The following BPNT1 variants were observed in gnomAD, a reference collection of about 807,000 sequenced individuals.
BPNT1 encodes 3'(2'), 5'-bisphosphate nucleotidase 1, also known as 3'(2'),5'-bisphosphate nucleotidase 1.
A neutral mutation model predicts 36.9 loss-of-function variants in BPNT1; 28 were observed. The observed-to-expected ratio is 0.76, with a 90% CI of 0.56 to 1.04. The LOEUF (loss-of-function observed/expected upper bound fraction) is 1.04, where lower values mean the gene tolerates loss of function less well. Ranked by LOEUF, BPNT1 falls within the 50% of genes least tolerant of loss-of-function variation. BPNT1 has a pLI of 0.00. For synonymous variants in BPNT1, 119 were observed against 130.9 expected (o/e 0.91, Z 0.62); for missense variants, 313 against 372.9 (o/e 0.84, Z 1.32).
intron 1 of BPNT1, among the ~76,000 whole-genome samples, chr1:220,086,493 C>T (rs1343703509): frequency 6.6e-6 from 1 of 151,024 alleles, no homozygotes; most frequent in Non-Finnish European, 1.5e-5. Flanking sequence ...AGGCTGGTCT[C>T]GAACACCTGA....
In BPNT1 at chr1:220,081,004, G is replaced by A. The variant is rs1034201251; in HGVS notation, c.-8-1150C>T. Among the ~76,000 whole-genome samples the A allele has an allele frequency of 6.6e-5, 10 of 152,248 alleles. No homozygotes were observed. In the Middle Eastern group the frequency reaches 0.01, roughly 155 times the overall value. The stretch of plus-strand genomic sequence containing the variant: ...TTTTGAGACGGAGTCTCGCTCTGTC[G>A]CCCAGGATGGATTGCAGTGGCGCCA... On this transcript the variant is annotated intron_variant, in intron 1 of 8. Transcript: ENST00000322067.
At chr1:220,088,907 G>A (rs1157845121) in intron 1 of BPNT1, among the ~76,000 whole-genome samples, 1 of 151,320 alleles carries the variant, frequency 6.6e-6, no homozygotes, top group Non-Finnish European at 1.5e-5. Context: ...AAACCATCCT[G>A]ACTAACACGG....
chr1:220,073,153 T>C (rs1664221051), intron 3 of BPNT1, among the ~76,000 whole-genome samples, 196 bp from the exon 4 acceptor site: 1 of 152,238 alleles, frequency 6.6e-6, no homozygotes, highest in African/African-American at 2.4e-5. Flanking sequence ...ATTGACTAAA[T>C]GGTTCCAGTG....
intron 5 of BPNT1, among the ~76,000 whole-genome samples, chr1:220,068,014 A>T (rs981929014): frequency 6.6e-6 from 1 of 152,150 alleles, no homozygotes; most frequent in Admixed American, 6.6e-5. Flanking sequence ...ATACATACAC[A>T]TGTATACACA....
At chr1:220,080,829 C>T (rs577065016) in intron 1 of BPNT1, among the ~76,000 whole-genome samples, 3 of 152,296 alleles carry the variant, frequency 2.0e-5, no homozygotes, top group Admixed American at 1.3e-4. Context: ...CCTCCATCTT[C>T]GTCAGTAGCC....
chr1:220,082,083 T>TAG lies in BPNT1; in HGVS notation c.-8-2230_-8-2229insCT, dbSNP rs1239049784. ...AGGACAATATATATATATATATATA[T>TAG]ATAGAGAGAGAGAGAGAGAGAGAGA... On this transcript the variant is annotated intron_variant, in intron 1 of 8. Transcript: ENST00000322067. Among the ~76,000 whole-genome samples, 602 of 110,786 alleles carry TAG rather than the reference T, an allele frequency of 5.4e-3. 4 individuals carry two copies. Among genetic ancestry groups the TAG allele is most frequent in the East Asian group, 0.032 (126 of 3,910 alleles). The allele number at this position is 110,786 out of a possible 152,430, so 72.7% of individuals were successfully genotyped here.
chr1:220,086,664 C>T (rs891210526), intron 1 of BPNT1, among the ~76,000 whole-genome samples: 1 of 151,216 alleles, frequency 6.6e-6, no homozygotes, highest in Admixed American at 6.6e-5. Context: ...CAACCTCCGC[C>T]TCCCGGGTTC....
chr1:220,058,379 A>T lies in BPNT1; in HGVS notation c.*465T>A. ...GTTAAATTATTTAATTCTATTTTCT[A>T]TTCCTAAATATAATAACTAAATATA... On this transcript the variant is annotated 3_prime_UTR_variant, in exon 9 of 9. Transcript: ENST00000322067. The T allele has an allele frequency of 2.1e-6, 2 of 970,620 alleles. No individual in the cohort carries two copies. The highest frequency in any genetic ancestry group is 2.5e-6 in the Non-Finnish European group (2 of 815,578). The allele number at this position is 970,620 out of a possible 1,614,324, so 60.1% of individuals were successfully genotyped here. A position where few individuals can be genotyped will look rare whatever the true frequency, so the allele number is the denominator to read the frequency against.
At chr1:220,059,013 A>G in intron 8 of BPNT1, 21 bp from the exon 9 acceptor site, 1 of 1,611,264 alleles carries the variant, frequency 6.2e-7, no homozygotes, top group Non-Finnish European at 8.5e-7. Context: ...ACATCAATCA[A>G]TCAATCAAGT....
Position 220,058,003 on chromosome 1 carries a change from C to A in BPNT1, c.*841G>T. 2 of 579,490 alleles carry A rather than the reference C, an allele frequency of 3.5e-6. No homozygotes were observed. The highest frequency in any genetic ancestry group is 4.1e-5 in the Admixed American group (1 of 24,146). 35.9% of individuals were successfully genotyped at this position (579,490 alleles called of 1,614,324 possible). On this transcript the variant is annotated 3_prime_UTR_variant, in exon 9 of 9. Coordinates refer to ENST00000322067, the MANE Select transcript of BPNT1 (RefSeq NM_006085.6). ...CCATCCTGGCTAACACGGTGAAACA[C>A]CTTCTCTACTAAAAATACAAAAAAT...
chr1:220,072,756 C>T, intron 4 of BPNT1, 94 bp downstream of exon 4: 1 of 1,020,498 alleles, frequency 9.8e-7, no homozygotes, highest in East Asian at 2.4e-5. Context: ...TATTTTATAA[C>T]TACCAATTTT....
intron 5 of BPNT1, among the ~76,000 whole-genome samples, chr1:220,068,620 G>A (rs1400642233): frequency 6.6e-6 from 1 of 151,748 alleles, no homozygotes; most frequent in Non-Finnish European, 1.5e-5. Context: ...AGACCAGCCT[G>A]ACCAACATGG....
intron 3 of BPNT1, among the ~76,000 whole-genome samples, chr1:220,073,581 T>C (rs1664273908): frequency 1.3e-5 from 2 of 152,186 alleles, no homozygotes; most frequent in Admixed American, 1.3e-4. Flanking sequence ...CGTGAGCCAC[T>C]GCGCCTGGCC....
At chr1:220,078,132 A>G (rs1211771715) in intron 2 of BPNT1, among the ~76,000 whole-genome samples, 1 of 150,002 alleles carries the variant, frequency 6.7e-6, no homozygotes, top group Non-Finnish European at 1.5e-5. Context: ...TATCAGTAGG[A>G]CTGTGCCACT....
intron 1 of BPNT1, among the ~76,000 whole-genome samples, chr1:220,086,418 C>A (rs1655729244): frequency 6.6e-6 from 1 of 151,906 alleles, no homozygotes; most frequent in Non-Finnish European, 1.5e-5. Flanking sequence ...ACTACAGGCA[C>A]GCATCACCAC....
intron 1 of BPNT1, among the ~76,000 whole-genome samples, chr1:220,085,067 C>T (rs1655585623): frequency 6.8e-6 from 1 of 147,912 alleles, no homozygotes; most frequent in African/African-American, 2.5e-5. Flanking sequence ...AATGTTGGTT[C>T]TTGGTTAAAA....
intron 4 of BPNT1, 81 bp downstream of exon 4, chr1:220,072,769 A>G (rs1330202707): frequency 8.5e-6 from 10 of 1,176,138 alleles, no homozygotes; most frequent in Admixed American, 5.8e-5. Flanking sequence ...CCAATTTTTC[A>G]TCTTACATGC....
Position 220,057,993 on chromosome 1 carries a change from C to A in BPNT1, c.*851G>T, listed in dbSNP as rs190830395. 3 of 604,374 alleles carry A rather than the reference C, an allele frequency of 5.0e-6. No homozygotes were observed. The highest frequency in any genetic ancestry group is 3.9e-5 in the African/African-American group (2 of 50,770). 37.4% of individuals were successfully genotyped at this position (604,374 alleles called of 1,614,324 possible). On this transcript the variant is annotated 3_prime_UTR_variant, in exon 9 of 9. Transcript: ENST00000322067. ...GAGATCAAGACCATCCTGGCTAACA[C>A]GGTGAAACACCTTCTCTACTAAAAA...
At chr1:220,066,593 C>T (rs1663551177) in intron 6 of BPNT1, among the ~76,000 whole-genome samples, 1 of 152,156 alleles carries the variant, frequency 6.6e-6, no homozygotes, top group African/African-American at 2.4e-5. Context: ...AATACCTTAA[C>T]TACTTTATCT....
Sources: gnomAD v4.1 joint callset for allele counts (sites outside exome capture counted in the v4.1 genomes callset) on GRCh38, gnomAD v4.1.1 for gene constraint, MANE v1.5 for transcripts, NCBI Gene and HGNC (gene_info 2026-07-23, HGNC 2026-07-21) for gene names.